Variants in IKBKB observed in about 807,000 individuals in gnomAD.
IKBKB encodes inhibitor of nuclear factor kappa-B kinase subunit beta.
A neutral mutation model predicts 113.6 loss-of-function variants in IKBKB; 42 were observed. That is an observed-to-expected ratio of 0.37 (90% CI 0.29 to 0.48). The LOEUF (loss-of-function observed/expected upper bound fraction) is 0.48. Among genes scored for constraint, IKBKB ranks in the 20% least tolerant of loss-of-function variants. The pLI, the probability that IKBKB is intolerant of heterozygous loss-of-function variation, is 0.99. For synonymous variants in IKBKB, 296 were observed against 361.3 expected, an observed-to-expected ratio of 0.82 and a Z score of 2.05; for missense variants, 673 against 939.7, an observed-to-expected ratio of 0.72 and a Z score of 3.71.
At chr8:42,273,637 C>T (rs538713979) in intron 2 of IKBKB, among the ~76,000 whole-genome samples, 104 of 151,928 alleles carry the variant, frequency 6.8e-4, no homozygotes, top group African/African-American at 2.3e-3. Context: ...AACTCTCATC[C>T]TCAAGCAGTC....
intron 5 of IKBKB, among the ~76,000 whole-genome samples, chr8:42,303,647 G>A (rs1466802091): frequency 6.6e-6 from 1 of 152,002 alleles, no homozygotes; most frequent in Non-Finnish European, 1.5e-5. Context: ...TGGGATTACA[G>A]GGGCATGCCA....
chr8:42,321,780 C>A, intron 16 of IKBKB, 116 bp from the exon 17 acceptor site: 1 of 683,894 alleles, frequency 1.5e-6, no homozygotes, highest in Non-Finnish European at 2.5e-6. Context: ...TGCTTGTGAG[C>A]CCAGAAGTTC....
intron 8 of IKBKB, among the ~76,000 whole-genome samples, chr8:42,310,184 A>G (rs1817441009): frequency 1.3e-5 from 2 of 152,256 alleles, no homozygotes; most frequent in African/African-American, 4.8e-5. Context: ...GTTCCTTGAG[A>G]GGCCACACAC....
At chr8:42,317,095 C>A in intron 11 of IKBKB, 191 bp downstream of exon 11, 1 of 666,420 alleles carries the variant, frequency 1.5e-6, no homozygotes, top group East Asian at 2.8e-5. Context: ...AATCTCCTTG[C>A]TGGACTTGTT....
chr8:42,284,340 T>C (rs751203948), intron 2 of IKBKB, among the ~76,000 whole-genome samples: 26 of 152,196 alleles, frequency 1.7e-4, no homozygotes, highest in Non-Finnish European at 2.9e-4. Flanking sequence ...CCCAGCACTT[T>C]GGGAGGCCGA....
intron 21 of IKBKB, chr8:42,329,725 C>T (rs1430068769): frequency 3.0e-6 from 3 of 985,264 alleles, no homozygotes; most frequent in South Asian, 9.4e-5. Context: ...GGGCTGGGAG[C>T]AGGAACCAGC....
chr8:42,318,427 A>C, intron 12 of IKBKB, 125 bp from the exon 13 acceptor site: 1 of 1,077,926 alleles, frequency 9.3e-7, no homozygotes, highest in Admixed American at 2.2e-5. Flanking sequence ...CACCCTCCAA[A>C]GTTACATGAT....
chr8:42,277,217 C>G (rs1349314783), intron 2 of IKBKB, among the ~76,000 whole-genome samples: 1 of 143,196 alleles, frequency 7.0e-6, no homozygotes, highest in Non-Finnish European at 1.5e-5. Context: ...GAGTCACGCT[C>G]TGTTGCCCAG....
chr8:42,320,827 G>T lies in IKBKB; in HGVS notation c.1671G>T (p.Gly557=). 1 of 1,597,704 alleles carries T rather than the reference G, an allele frequency of 6.3e-7. No homozygotes were observed. Among genetic ancestry groups the T allele is most frequent in the Non-Finnish European group, 8.5e-7 (1 of 1,171,698 alleles). Reference sequence around the variant, plus strand: ...GGAGCCCCATGGGCCGGAAGCAGGGGGGAACGCTGGACGACCTGTGAGTAC... The same window carrying T: ...GGAGCCCCATGGGCCGGAAGCAGGGTGGAACGCTGGACGACCTGTGAGTAC... ...LQRSPMGRKQ[G]GTLDDLEEQA... The change falls in exon 16 of 22, where the codon GGG becomes GGT. Residue 557 remains glycine, a synonymous_variant. Transcript: ENST00000520810.
chr8:42,309,497 G>A (rs1435002056), intron 8 of IKBKB: 2 of 419,934 alleles, frequency 4.8e-6, no homozygotes, highest in African/African-American at 4.1e-5. Context: ...GCTCACTCCT[G>A]TAATCCCAGC....
intron 2 of IKBKB, among the ~76,000 whole-genome samples, chr8:42,276,909 C>T (rs1809245070): frequency 6.9e-6 from 1 of 144,154 alleles, no homozygotes; most frequent in South Asian, 2.3e-4. Context: ...CTCTGTCGCC[C>T]AAGCTGGAGT....
At chr8:42,285,830 A>G (rs993472167) in intron 2 of IKBKB, among the ~76,000 whole-genome samples, 3 of 152,202 alleles carry the variant, frequency 2.0e-5, no homozygotes, top group African/African-American at 4.8e-5. Flanking sequence ...CACATGATAT[A>G]TGATTCCATT....
intron 2 of IKBKB, among the ~76,000 whole-genome samples, chr8:42,279,501 A>G (rs1424839463): frequency 6.6e-6 from 1 of 152,200 alleles, no homozygotes; most frequent in African/African-American, 2.4e-5. Flanking sequence ...CAGAGGCATC[A>G]TTTACTGAGA....
intron 2 of IKBKB, among the ~76,000 whole-genome samples, chr8:42,285,398 A>G (rs892253067): frequency 1.3e-5 from 2 of 152,074 alleles, no homozygotes; most frequent in African/African-American, 4.8e-5. Context: ...TAAAATAAAA[A>G]TAAAAAAAAT....
In IKBKB at chr8:42,316,475, T is replaced by A. The variant is rs1041789953; in HGVS notation, c.930+136T>A. 1.0e-5 allele frequency: 11 copies of A among 1,092,182 alleles called. No individual in the cohort carries two copies. Among genetic ancestry groups the A allele is most frequent in the Middle Eastern group, 2.4e-4 (1 of 4,096 alleles). The allele number at this position is 1,092,182 out of a possible 1,614,324, so 67.7% of individuals were successfully genotyped here. A position where few individuals can be genotyped will look rare whatever the true frequency, so the allele number is the denominator to read the frequency against. ...AGGCTCCTGCATCAGTCTTTCTGCA[T>A]AAGTAAAGAAAGGACAGTTGTGCTA... is the stretch of plus-strand genomic sequence containing the variant. On this transcript the variant is annotated intron_variant, in intron 10 of 21. Transcript: ENST00000520810. This position sits in a 1 kb window ranked among gnomAD's most constrained non-coding sequence, Gnocchi z 4.5.
At position 42,272,087 on chromosome 8, in the gene IKBKB, A is replaced by G; in HGVS notation, c.-14A>G. 6.2e-7 allele frequency: 1 copy of G among 1,613,322 alleles called. No individual in the cohort carries two copies. The highest frequency in any genetic ancestry group is 8.5e-7 in the Non-Finnish European group (1 of 1,179,564). On this transcript the variant is annotated 5_prime_UTR_variant, in exon 2 of 22. An upstream open reading frame in the 5' UTR loses its in-frame stop. Coordinates refer to ENST00000520810, the MANE Select transcript of IKBKB (RefSeq NM_001556.3). ...CCCATCCCAAATTGCTTATAGAGTT[A>G]GCACGACATCAGTATGAGCTGGTCA...
At chr8:42,284,147 C>G (rs1810915594) in intron 2 of IKBKB, among the ~76,000 whole-genome samples, 1 of 152,108 alleles carries the variant, frequency 6.6e-6, no homozygotes, top group East Asian at 1.9e-4. Context: ...TCTCATAGTC[C>G]TAGAGGCTAT....
chr8:42,294,894 C>T lies in IKBKB; in HGVS notation c.388+1382C>T, dbSNP rs193151516. ...AGGCTTACTTGATTGTATTTTTTAC[C>T]TCAGTGGCCAGATTCTTCATTTGTT... On this transcript the variant is annotated intron_variant, in intron 5 of 21. Transcript: ENST00000520810. 4.6e-5 allele frequency among the ~76,000 whole-genome samples: 7 copies of T among 152,276 alleles called. 1 individual carries two copies. The highest frequency in any genetic ancestry group is 1.7e-4 in the African/African-American group (7 of 41,560).
Position 42,320,824 on chromosome 8 carries a change from G to C in IKBKB, c.1668G>C (p.Gln556His). 6.3e-7 allele frequency: 1 copy of C among 1,598,762 alleles called. No homozygotes were observed. Among genetic ancestry groups the C allele is most frequent in the Non-Finnish European group, 8.5e-7 (1 of 1,171,984 alleles). ...DLQRSPMGRKQGGTLDDLEEQ... is the reference protein window; with the variant it reads ...DLQRSPMGRKHGGTLDDLEEQ... ...AGAGGAGCCCCATGGGCCGGAAGCA[G>C]GGGGGAACGCTGGACGACCTGTGAG... The change falls in exon 16 of 22, where the codon CAG becomes CAC. Residue 556 changes from glutamine to histidine, a missense_variant. Gln to His is a conservative substitution (Grantham distance 24). Coordinates refer to ENST00000520810, the MANE Select transcript of IKBKB (RefSeq NM_001556.3).
Sources: gnomAD v4.1 joint callset for allele counts (sites outside exome capture counted in the v4.1 genomes callset) on GRCh38, gnomAD v4.1.1 for gene constraint, Gnocchi (gnomAD v3.1) non-coding constraint, MANE v1.5 for transcripts, NCBI Gene and HGNC (gene_info 2026-07-23, HGNC 2026-07-21) for gene names.